Variants in HMG20A observed in about 807,000 individuals in gnomAD.
HMG20A encodes high mobility group protein 20A.
HMG20A carries 17 observed loss-of-function variants against 43.9 expected under a neutral mutation model. The ratio of observed to expected loss-of-function variants is 0.39; its 90% CI spans 0.27 to 0.58. The LOEUF is 0.58. Ranked by LOEUF, HMG20A falls within the 20% of genes least tolerant of loss-of-function variation. The pLI is 0.59. For synonymous variants in HMG20A, 132 were observed against 147.5 expected, an observed-to-expected ratio of 0.89 and a Z score of 0.76; for missense variants, 341 against 438.2, an observed-to-expected ratio of 0.78 and a Z score of 1.98.
chr15:77,478,198 T>A (rs1392110932), intron 7 of HMG20A, 97 bp from the exon 8 acceptor site: 4 of 1,188,642 alleles, frequency 3.4e-6, no homozygotes, highest in Non-Finnish European at 3.7e-6. Context: ...GTAGCTAAAT[T>A]AGAGGCAGCT....
chr15:77,467,005 T>G, intron 3 of HMG20A, 90 bp from the exon 4 acceptor site: 1 of 1,054,596 alleles, frequency 9.5e-7, no homozygotes, highest in Non-Finnish European at 1.4e-6. Context: ...TCCTGTTTTG[T>G]TTGTTGTTGT....
chr15:77,489,661 A>T (rs751666343), downstream of HMG20A, among the ~76,000 whole-genome samples: 11 of 152,224 alleles, frequency 7.2e-5, no homozygotes, highest in Non-Finnish European at 1.5e-5. Context: ...ATAAGCTAGG[A>T]TAGAGAAAGG....
chr15:77,470,784 T>A (rs2072799794), intron 4 of HMG20A, 126 bp from the exon 5 acceptor site: 4 of 739,206 alleles, frequency 5.4e-6, no homozygotes, highest in African/African-American at 1.8e-5. Flanking sequence ...GATTCTTTTT[T>A]AAGGCATATT....
At chr15:77,478,684 C>T (rs900730961) in intron 8 of HMG20A, among the ~76,000 whole-genome samples, 174 bp downstream of exon 8, 1 of 152,188 alleles carries the variant, frequency 6.6e-6, no homozygotes, top group Non-Finnish European at 1.5e-5. Context: ...TGGCTAAAAT[C>T]GTCCAATGTT....
At chr15:77,508,986 C>T in the HMG20A span, among the ~76,000 whole-genome samples, 2 of 152,224 alleles carry the variant, frequency 1.3e-5, no homozygotes, top group African/African-American at 4.8e-5. Flanking sequence ...TTTGTTAACT[C>T]AGCAAAGATG....
At chr15:77,498,255 C>T in the HMG20A span, among the ~76,000 whole-genome samples, 1 of 152,162 alleles carries the variant, frequency 6.6e-6, no homozygotes, top group Non-Finnish European at 1.5e-5. Flanking sequence ...ACTTTCTTCT[C>T]CCTGCGCTGG....
chr15:77,422,978 AATT>A (rs1421981142), intron 1 of HMG20A, among the ~76,000 whole-genome samples: 2 of 152,186 alleles, frequency 1.3e-5, no homozygotes, highest in African/African-American at 2.4e-5. Context: ...TAGTGTTAGG[AATT>A]ATTGAAGTAT....
the HMG20A span, among the ~76,000 whole-genome samples, chr15:77,516,215 C>T: frequency 6.6e-5 from 10 of 152,170 alleles, no homozygotes; most frequent in African/African-American, 2.4e-4. Context: ...AAGAAGCACA[C>T]GGCTGGCCAT....
chr15:77,462,490 C>A (rs757171060), intron 2 of HMG20A, among the ~76,000 whole-genome samples: 5 of 152,008 alleles, frequency 3.3e-5, no homozygotes, highest in Non-Finnish European at 7.4e-5. Context: ...TCTTTATGCC[C>A]TTTTGTTCCA....
the HMG20A span, among the ~76,000 whole-genome samples, chr15:77,498,851 C>T: frequency 6.6e-6 from 1 of 152,188 alleles, no homozygotes; most frequent in African/African-American, 2.4e-5. Context: ...TCCATCTCTC[C>T]ACTAAAACCT....
At chr15:77,447,523 C>T (rs2073687707) in intron 1 of HMG20A, among the ~76,000 whole-genome samples, 1 of 152,104 alleles carries the variant, frequency 6.6e-6, no homozygotes, top group Non-Finnish European at 1.5e-5. Context: ...GAAATCTGAA[C>T]TGTGCCAGTC....
At chr15:77,456,176 C>T (rs1422915031) in intron 1 of HMG20A, among the ~76,000 whole-genome samples, 3 of 152,132 alleles carry the variant, frequency 2.0e-5, no homozygotes, top group Non-Finnish European at 4.4e-5. Flanking sequence ...GTTATGTTAT[C>T]CAGCTGCCTC....
chr15:77,499,116 T>C, the HMG20A span, among the ~76,000 whole-genome samples: 2 of 152,204 alleles, frequency 1.3e-5, no homozygotes, highest in African/African-American at 4.8e-5. Flanking sequence ...AAGCACATAC[T>C]ATTCTAATAC....
intron 2 of HMG20A, 137 bp from the exon 3 acceptor site, chr15:77,464,103 G>A (rs1018300607): frequency 1.4e-4 from 133 of 955,634 alleles, no homozygotes; most frequent in Non-Finnish European, 1.7e-4. Flanking sequence ...CTGTGAATAC[G>A]TTGTTTACAT....
intron 1 of HMG20A, chr15:77,447,873 G>T (rs947824488): frequency 2.0e-5 from 3 of 152,084 alleles, no homozygotes; most frequent in African/African-American, 7.2e-5. Flanking sequence ...ATGGAGCCTG[G>T]ATTATTTCTT....
chr15:77,425,041 G>A (rs2073412215), intron 1 of HMG20A, among the ~76,000 whole-genome samples: 1 of 151,682 alleles, frequency 6.6e-6, no homozygotes, highest in Non-Finnish European at 1.5e-5. Flanking sequence ...TTTTTTCCTA[G>A]GAATCCCCAT....
chr15:77,433,983 G>T (rs1420157001), intron 1 of HMG20A, among the ~76,000 whole-genome samples: 3 of 152,194 alleles, frequency 2.0e-5, no homozygotes, highest in African/African-American at 7.2e-5. Flanking sequence ...TCAGATAACA[G>T]GATTTATTAT....
the HMG20A span, among the ~76,000 whole-genome samples, chr15:77,500,915 T>C: frequency 6.6e-6 from 1 of 152,172 alleles, no homozygotes; most frequent in African/African-American, 2.4e-5. Flanking sequence ...TCTTTCCTAC[T>C]GCTTGGCAAG....
chr15:77,458,663 A>C, intron 2 of HMG20A, 167 bp downstream of exon 2: 1 of 485,654 alleles, frequency 2.1e-6, no homozygotes, highest in Non-Finnish European at 3.7e-6. Context: ...TGTAATCTGC[A>C]TTCAATTATC....
Sources: allele counts gnomAD v4.1 joint callset (sites outside exome capture counted in the v4.1 genomes callset), GRCh38; gene constraint gnomAD v4.1.1; transcripts MANE v1.5; gene names NCBI Gene and HGNC (gene_info 2026-07-23, HGNC 2026-07-21).